CLSTN2: variants seen among roughly 807,000 people sequenced by gnomAD.
CLSTN2 encodes calsyntenin 2, also known as calsyntenin-2.
A neutral mutation model predicts 101.2 loss-of-function variants in CLSTN2; 48 were observed. The ratio of observed to expected loss-of-function variants is 0.47; its 90% CI spans 0.38 to 0.60. CLSTN2 has a LOEUF of 0.60. CLSTN2 is among the 20% of genes least tolerant of loss of function. The pLI is 0.00. For missense variants in CLSTN2, 1,160 were observed against 1,238.2 expected (o/e 0.94, Z 0.95); for synonymous variants, 481 against 463.6 (o/e 1.04, Z -0.48).
chr3:140,232,662 G>A (rs1211515834), intron 2 of CLSTN2, among the ~76,000 whole-genome samples: 1 of 152,094 alleles, frequency 6.6e-6, no homozygotes, highest in African/African-American at 2.4e-5. Context: ...AAGTCAGCAT[G>A]TCTAAGACTG....
rs748302220 is a variant in CLSTN2 at position 140,421,244 on chromosome 3, G to A, written c.757G>A (p.Val253Met). The change falls in exon 5 of 17, where the codon GTG (valine) becomes ATG (methionine). Residue 253 changes from valine to methionine, a missense_variant. Transcript: ENST00000458420. ...TCAGGACACCCTGGTGCAGGTGGAT[G>A]TGAAGCCAGTTTGCAAGCCTGGCTG... is the stretch of plus-strand genomic sequence containing the variant. ...AAQDTLVQVD[V>M]KPVCKPGWQD... The A allele has an allele frequency of 2.5e-6, 4 of 1,614,206 alleles. No homozygotes were observed. Among genetic ancestry groups the A allele is most frequent in the Non-Finnish European group, 3.4e-6 (4 of 1,180,004 alleles).
chr3:140,452,253 A>T (rs1933269739), intron 6 of CLSTN2, among the ~76,000 whole-genome samples: 1 of 151,752 alleles, frequency 6.6e-6, no homozygotes, highest in Non-Finnish European at 1.5e-5. Context: ...ACTACAGCAC[A>T]TTTCGCCCTG....
intron 2 of CLSTN2, among the ~76,000 whole-genome samples, chr3:140,355,188 C>A (rs1005810556): frequency 6.6e-6 from 1 of 152,094 alleles, no homozygotes; most frequent in Admixed American, 6.5e-5. Flanking sequence ...AGTAATGACA[C>A]TTCTTAGAAT....
chr3:140,246,294 T>A (rs2086516911), intron 2 of CLSTN2, among the ~76,000 whole-genome samples: 1 of 152,176 alleles, frequency 6.6e-6, no homozygotes. Flanking sequence ...ATTGAATGCA[T>A]CTCCTGCCCC....
chr3:140,083,306 G>C (rs1019116007), intron 1 of CLSTN2, among the ~76,000 whole-genome samples: 3 of 152,166 alleles, frequency 2.0e-5, no homozygotes, highest in Non-Finnish European at 4.4e-5. Context: ...TGATTAATCT[G>C]TATTAAATAA....
chr3:140,455,482 G>A (rs1183968514), intron 6 of CLSTN2, among the ~76,000 whole-genome samples: 1 of 152,224 alleles, frequency 6.6e-6, no homozygotes, highest in Non-Finnish European at 1.5e-5. Context: ...CATTGTGTCT[G>A]TATCTATTTT....
chr3:140,268,824 A>C (rs1227791626), intron 2 of CLSTN2, among the ~76,000 whole-genome samples: 1 of 152,136 alleles, frequency 6.6e-6, no homozygotes, highest in Non-Finnish European at 1.5e-5. Context: ...TACGCAACCC[A>C]CTTGCCCTCT....
At chr3:140,322,074 C>T (rs1465591505) in intron 2 of CLSTN2, among the ~76,000 whole-genome samples, 7 of 152,322 alleles carry the variant, frequency 4.6e-5, no homozygotes, top group South Asian at 2.1e-4. Context: ...GGGACAGGCA[C>T]CTTGCTCAGG....
intron 5 of CLSTN2, among the ~76,000 whole-genome samples, chr3:140,428,162 T>C (rs347327): frequency 0.38 from 57,342 of 152,064 alleles, 11,684 homozygotes; most frequent in East Asian, 0.74. Context: ...GGGGTTTTTC[T>C]GTTTGTTTGT....
intron 1 of CLSTN2, among the ~76,000 whole-genome samples, chr3:139,960,128 C>T (rs1576377048): frequency 6.6e-6 from 1 of 152,280 alleles, no homozygotes; most frequent in Non-Finnish European, 1.5e-5. Context: ...AGGGAAAGCC[C>T]TCTGATTTGT....
At chr3:140,012,470 T>C (rs2007098877) in intron 1 of CLSTN2, among the ~76,000 whole-genome samples, 1 of 152,154 alleles carries the variant, frequency 6.6e-6, no homozygotes, top group African/African-American at 2.4e-5. Flanking sequence ...TCTTAGCCTG[T>C]GTATTTGCTG....
intron 1 of CLSTN2, among the ~76,000 whole-genome samples, chr3:140,153,061 A>G (rs2009891834): frequency 6.6e-6 from 1 of 152,200 alleles, no homozygotes; most frequent in East Asian, 1.9e-4. Flanking sequence ...ACATTTTGGA[A>G]CTGAGTACCA....
intron 1 of CLSTN2, among the ~76,000 whole-genome samples, chr3:140,164,073 G>A (rs1032142888): frequency 1.3e-5 from 2 of 152,090 alleles, no homozygotes; most frequent in Non-Finnish European, 2.9e-5. Context: ...GTCCAATAAT[G>A]TTCAGTAGGT....
chr3:140,318,048 A>T (rs1047040416), intron 2 of CLSTN2, among the ~76,000 whole-genome samples: 1 of 152,136 alleles, frequency 6.6e-6, no homozygotes, highest in African/African-American at 2.4e-5. Context: ...CCCATCTTAG[A>T]TGAGGATAGT....
chr3:140,294,729 A>G (rs187896003), intron 2 of CLSTN2, among the ~76,000 whole-genome samples: 1 of 152,290 alleles, frequency 6.6e-6, no homozygotes, highest in Non-Finnish European at 1.5e-5. Flanking sequence ...TGAGGCTGCT[A>G]TAACAAAGTA....
intron 10 of CLSTN2, among the ~76,000 whole-genome samples, chr3:140,547,916 G>A (rs1455952951): frequency 2.6e-5 from 4 of 152,214 alleles, no homozygotes; most frequent in African/African-American, 9.6e-5. Context: ...GAAGCTATGA[G>A]GGTTTCTGTC....
chr3:140,313,187 A>G (rs1308228504), intron 2 of CLSTN2, among the ~76,000 whole-genome samples: 1 of 152,158 alleles, frequency 6.6e-6, no homozygotes, highest in African/African-American at 2.4e-5. Flanking sequence ...AGTGGAACAA[A>G]TTGTTTTACA....
intron 1 of CLSTN2, among the ~76,000 whole-genome samples, chr3:140,077,362 A>G (rs995165021): frequency 6.6e-6 from 1 of 152,208 alleles, no homozygotes; most frequent in Non-Finnish European, 1.5e-5. Context: ...TCCAGGCCAC[A>G]GCAGGCTGAT....
intron 1 of CLSTN2, among the ~76,000 whole-genome samples, chr3:140,105,192 A>G (rs561787757): frequency 6.6e-6 from 1 of 152,300 alleles, no homozygotes; most frequent in South Asian, 2.1e-4. Flanking sequence ...TATCATCTTT[A>G]AGTAATCTAG....
Sources: gnomAD v4.1 joint callset for allele counts (sites outside exome capture counted in the v4.1 genomes callset) on GRCh38, gnomAD v4.1.1 for gene constraint, MANE v1.5 for transcripts, NCBI Gene and HGNC (gene_info 2026-07-23, HGNC 2026-07-21) for gene names.